The following PDGFRA variants were observed in gnomAD, a reference collection of about 807,000 sequenced individuals.
The protein encoded by PDGFRA is platelet derived growth factor receptor alpha.
PDGFRA carries 25 observed loss-of-function variants against 121.5 expected under a neutral mutation model. That is an observed-to-expected ratio of 0.21 (90% CI 0.15 to 0.29). The LOEUF (loss-of-function observed/expected upper bound fraction) is 0.29. Among genes scored for constraint, PDGFRA ranks in the 10% least tolerant of loss-of-function variants. PDGFRA has a pLI of 1.00. For synonymous variants in PDGFRA, 463 were observed against 494.8 expected (o/e 0.94, Z 0.85); for missense variants, 1,008 against 1,345.1 (o/e 0.75, Z 3.92).
At chr4:54,273,498 C>A (rs2110291013) in intron 9 of PDGFRA, 39 bp from the exon 10 acceptor site, 1 of 1,541,272 alleles carries the variant, frequency 6.5e-7, no homozygotes, top group Non-Finnish European at 9.0e-7. Flanking sequence ...CCATGACTCT[C>A]AGGAATTGGC....
At chr4:54,289,752 G>T (rs1222474056) in intron 21 of PDGFRA, among the ~76,000 whole-genome samples, 2 of 152,174 alleles carry the variant, frequency 1.3e-5, no homozygotes, top group African/African-American at 4.8e-5. Context: ...GAAGTTAAAT[G>T]CTTCTGTCTG....
chr4:54,272,671 GAGA>G (rs1723471989), intron 9 of PDGFRA, 151 bp downstream of exon 9: 1 of 823,832 alleles, frequency 1.2e-6, no homozygotes, highest in African/African-American at 1.7e-5. Flanking sequence ...GAATAGCTGT[GAGA>G]AGAAGGTCCA....
chr4:54,249,947 A>C (rs1242647922), intron 1 of PDGFRA, among the ~76,000 whole-genome samples: 2 of 152,154 alleles, frequency 1.3e-5, no homozygotes, highest in South Asian at 2.1e-4. Context: ...GTTTATGAGA[A>C]TCTTACCTTA....
Position 54,295,693 on chromosome 4 carries a change from G to C in PDGFRA, c.*421G>C. 1 of 294,406 alleles carries C rather than the reference G, an allele frequency of 3.4e-6. No individual in the cohort carries two copies. The highest frequency in any genetic ancestry group is 1.0e-3 in the Middle Eastern group (1 of 998). The allele number at this position is 294,406 out of a possible 1,614,324, so 18.2% of individuals were successfully genotyped here. The stretch of plus-strand genomic sequence containing the variant: ...ACTATCTTCTTTGGACTTCTGAAGA[G>C]ACCACTCAATCCATCCATGTACTTC... On this transcript the variant is annotated 3_prime_UTR_variant, in exon 23 of 23. Transcript: ENST00000257290.
At chr4:54,290,982 G>A (rs1724605053) in intron 22 of PDGFRA, among the ~76,000 whole-genome samples, 1 of 152,168 alleles carries the variant, frequency 6.6e-6, no homozygotes, top group Admixed American at 6.5e-5. Flanking sequence ...CACCTGCAGA[G>A]ATTTAAAAAC....
chr4:54,253,379 CAG>C (rs2110221427), intron 1 of PDGFRA, among the ~76,000 whole-genome samples: 1 of 152,302 alleles, frequency 6.6e-6, no homozygotes, highest in East Asian at 1.9e-4. Flanking sequence ...GAGATTTGGA[CAG>C]AGTGTCAGAT....
intron 19 of PDGFRA, 35 bp from the exon 20 acceptor site, chr4:54,288,764 T>G (rs1724476553): frequency 8.6e-7 from 1 of 1,162,094 alleles, no homozygotes; most frequent in Non-Finnish European, 1.3e-6. Context: ...CACTGAGCGT[T>G]TGTTAGTCCT....
rs1724962829 is a variant in PDGFRA, at chr4:54,298,026, G to A, written c.*2754G>A. 1 of 229,868 alleles carries A rather than the reference G, an allele frequency of 4.4e-6. No individual in the cohort carries two copies. Among genetic ancestry groups the A allele is most frequent in the Non-Finnish European group, 8.6e-6 (1 of 115,858 alleles). 14.2% of individuals were successfully genotyped at this position (229,868 alleles called of 1,614,324 possible). A position where few individuals can be genotyped will look rare whatever the true frequency, so the allele number is the denominator to read the frequency against. ...GATAATCCCCACAGGCACATTAACT[G>A]TTGCACTTTTGAATGTCCAAAATTT... On this transcript the variant is annotated 3_prime_UTR_variant, in exon 23 of 23. Coordinates refer to ENST00000257290, the MANE Select transcript of PDGFRA (RefSeq NM_006206.6).
rs1214058527 is a variant in PDGFRA, at chr4:54,284,876, TATC to T, written c.2324-494_2324-492del. Among the ~76,000 whole-genome samples the T allele has an allele frequency of 9.3e-5, 10 of 107,128 alleles. 2 individuals carry two copies. Among genetic ancestry groups the T allele is most frequent in the Non-Finnish European group, 1.2e-4 (6 of 51,766 alleles). The allele number at this position is 107,128 out of a possible 152,430, so 70.3% of individuals were successfully genotyped here. On this transcript the variant is annotated intron_variant, in intron 16 of 22. Coordinates refer to ENST00000257290, the MANE Select transcript of PDGFRA (RefSeq NM_006206.6). ...TCTCTTTCCTTTCTTTCATTCTTTC[TATC>T]TTTTTTTTTTTTTTTTTTTTTTGAG...
At chr4:54,259,324 T>C (rs1043015731) in intron 2 of PDGFRA, among the ~76,000 whole-genome samples, 1 of 152,090 alleles carries the variant, frequency 6.6e-6, no homozygotes, top group African/African-American at 2.4e-5. Context: ...AAAAAAATGT[T>C]CAAAGGAAAT....
At chr4:54,229,907 T>G in intron 1 of PDGFRA, 1 of 110,500 alleles carries the variant, frequency 9.0e-6, no homozygotes. Context: ...CTGCAGCCCA[T>G]GGTGTGGAGC....
At chr4:54,276,850 T>TG (rs1340814919) in intron 12 of PDGFRA, 6 of 165,300 alleles carry the variant, frequency 3.6e-5, no homozygotes, top group Non-Finnish European at 6.6e-5. Context: ...CTAATTGCTG[T>TG]GCTCTCGGGC....
chr4:54,244,455 C>G (rs1721503306), intron 1 of PDGFRA, among the ~76,000 whole-genome samples: 1 of 152,230 alleles, frequency 6.6e-6, no homozygotes, highest in Non-Finnish European at 1.5e-5. Context: ...CCCAGGCAAA[C>G]AGGGTCTGGA....
intron 1 of PDGFRA, among the ~76,000 whole-genome samples, chr4:54,232,061 A>G (rs965518555): frequency 1.3e-5 from 2 of 152,234 alleles, no homozygotes; most frequent in African/African-American, 4.8e-5. Context: ...TGCAGACCCC[A>G]CAGGGAAGTA....
At chr4:54,235,814 A>T (rs1433603449) in intron 1 of PDGFRA, among the ~76,000 whole-genome samples, 1 of 152,250 alleles carries the variant, frequency 6.6e-6, no homozygotes, top group Non-Finnish European at 1.5e-5. Flanking sequence ...ACTTTCAATT[A>T]AACTATATAA....
At position 54,252,011 on chromosome 4, in the gene PDGFRA, G is replaced by C. The variant is rs1027003870; in HGVS notation, c.-12-6746G>C. ...AAAATGGAAGCTAGAGAGAGAATTT[G>C]TTTCAAAAACTATGATACACCAGTT... is the stretch of plus-strand genomic sequence containing the variant. On this transcript the variant is annotated intron_variant, in intron 1 of 22. Transcript: ENST00000257290. Among the ~76,000 whole-genome samples the C allele has an allele frequency of 3.3e-5, 5 of 152,290 alleles. No homozygotes were observed. In the East Asian group the frequency reaches 9.6e-4, roughly 29 times the overall value.
In PDGFRA at chr4:54,263,768, A is replaced by T. The variant is rs2110251816; in HGVS notation, c.469A>T (p.Thr157Ser). 3.1e-6 allele frequency: 5 copies of T among 1,613,834 alleles called. No homozygotes were observed. The highest frequency in any genetic ancestry group is 4.2e-6 in the Non-Finnish European group (5 of 1,179,952). Reference protein sequence around the residue: ...IIPCRTTDPETPVTLHNSEGV... With the variant: ...IIPCRTTDPESPVTLHNSEGV... Reference sequence around the variant, plus strand: ...ACCTTGTCGCACAACTGATCCCGAGACTCCTGTAACCTTACACAACAGTGA... The same window carrying T: ...ACCTTGTCGCACAACTGATCCCGAGTCTCCTGTAACCTTACACAACAGTGA... The change falls in exon 4 of 23, where the codon ACT becomes TCT. Residue 157 changes from threonine to serine, a missense_variant. Coordinates refer to ENST00000257290, the MANE Select transcript of PDGFRA (RefSeq NM_006206.6).
intron 1 of PDGFRA, among the ~76,000 whole-genome samples, chr4:54,257,181 C>A (rs1019604437): frequency 1.3e-5 from 2 of 152,180 alleles, no homozygotes; most frequent in African/African-American, 2.4e-5. Flanking sequence ...AAAGATACCA[C>A]CAGCACCATG....
intron 1 of PDGFRA, among the ~76,000 whole-genome samples, chr4:54,236,392 T>A (rs6554163): frequency 0.25 from 38,631 of 152,064 alleles, 5,298 homozygotes; most frequent in African/African-American, 0.34. Flanking sequence ...TCACTACAGG[T>A]CTAATAGGTG....
Sources: gnomAD v4.1 joint callset for allele counts (sites outside exome capture counted in the v4.1 genomes callset) on GRCh38, gnomAD v4.1.1 for gene constraint, MANE v1.5 for transcripts, NCBI Gene and HGNC (gene_info 2026-07-23, HGNC 2026-07-21) for gene names.